Variants in EXOC5 observed in about 807,000 individuals in gnomAD.
The protein encoded by EXOC5 is SEC10-like 1.
EXOC5 carries 17 observed loss-of-function variants against 90.8 expected under a neutral mutation model. That is an observed-to-expected ratio of 0.19 (90% CI 0.13 to 0.28). The LOEUF is 0.28. Ranked by LOEUF, EXOC5 falls within the 10% of genes least tolerant of loss-of-function variation. The pLI is 1.00. For missense variants in EXOC5, 569 were observed against 830.6 expected, an observed-to-expected ratio of 0.69 and a Z score of 3.87; for synonymous variants, 260 against 270.0, an observed-to-expected ratio of 0.96 and a Z score of 0.36.
At chr14:57,228,011 TACACACAC>T (rs60151728) in intron 12 of EXOC5, among the ~76,000 whole-genome samples, 14 of 144,146 alleles carry the variant, frequency 9.7e-5, no homozygotes, top group African/African-American at 3.3e-4. Context: ...TATATATACA[TACACACAC>T]ACACACACAC....
At chr14:57,215,103 G>A (rs1050449423) in intron 15 of EXOC5, among the ~76,000 whole-genome samples, 14 of 152,010 alleles carry the variant, frequency 9.2e-5, no homozygotes, top group Admixed American at 6.6e-4. Context: ...GTGGTGGTGT[G>A]TGCCTGTAAT....
chr14:57,235,628 G>T, intron 7 of EXOC5, 83 bp downstream of exon 7: 1 of 689,786 alleles, frequency 1.4e-6, no homozygotes, highest in Non-Finnish European at 2.5e-6. Context: ...TAATGAATGG[G>T]GGAAATCAGA....
At chr14:57,238,264 A>G (rs934949884) in intron 5 of EXOC5, among the ~76,000 whole-genome samples, 1 of 143,470 alleles carries the variant, frequency 7.0e-6, no homozygotes, top group Admixed American at 7.1e-5. Flanking sequence ...ACTCATATTC[A>G]CCACCACTCA....
At chr14:57,225,909 A>G (rs1883293191) in intron 12 of EXOC5, among the ~76,000 whole-genome samples, 1 of 152,226 alleles carries the variant, frequency 6.6e-6, no homozygotes, top group Non-Finnish European at 1.5e-5. Context: ...GATAAGAGAC[A>G]AACAGTCGTA....
chr14:57,213,353 G>A (rs750373719), intron 15 of EXOC5, among the ~76,000 whole-genome samples: 25 of 151,444 alleles, frequency 1.7e-4, no homozygotes, highest in Non-Finnish European at 2.8e-4. Context: ...CTGCACACCA[G>A]CCTGGGTGAC....
rs7155880 is a variant in EXOC5, at chr14:57,215,138, A to G, written c.1613+2844T>C. 7.9e-3 allele frequency among the ~76,000 whole-genome samples: 1,203 copies of G among 152,136 alleles called. 20 individuals are homozygous for G. The highest frequency in any genetic ancestry group is 0.027 in the African/African-American group (1,116 of 41,506). On this transcript the variant is annotated intron_variant, in intron 15 of 17. Transcript: ENST00000621441. ...TTCCAGCTATTTGGGAGGGTGAGGC[A>G]GGGGAGCTGCTTGAACCAGGGAGGT...
rs1164282089 is a variant in EXOC5 at position 57,235,797 on chromosome 14, G to T, written c.583C>A (p.Gln195Lys). 1.3e-6 allele frequency: 2 copies of T among 1,554,936 alleles called. No homozygotes were observed. The highest frequency in any genetic ancestry group is 3.8e-5 in the Admixed American group (2 of 52,078). Residue 195 changes from glutamine to lysine, a missense_variant, in exon 7 of 18, where the codon CAG becomes AAG. This residue lies in a region of EXOC5 where 97 missense variants were observed against 177.9 expected (regional missense o/e 0.55). Transcript: ENST00000621441. ...GCACTGGTAAACTCCTGAATCAGCTGGCATTCTAAATCATGGTATTTACCT... is the reference window on the plus strand; with the variant it reads ...GCACTGGTAAACTCCTGAATCAGCTTGCATTCTAAATCATGGTATTTACCT... ...IASKYHDLEC[Q>K]LIQEFTSAQR...
intron 9 of EXOC5, 48 bp from the exon 10 acceptor site, chr14:57,232,797 C>G: frequency 1.2e-6 from 1 of 857,146 alleles, no homozygotes; most frequent in South Asian, 1.6e-5. Context: ...ATATTAAATT[C>G]TACAACTTCT....
In EXOC5 at chr14:57,202,076, C is replaced by A. The variant is rs1258694877; in HGVS notation, c.*6533G>T. 3.9e-5 allele frequency: 6 copies of A among 151,982 alleles called. No homozygotes were observed. The highest frequency in any genetic ancestry group is 2.9e-5 in the Non-Finnish European group (2 of 68,010). 9.4% of individuals were successfully genotyped at this position (151,982 alleles called of 1,614,324 possible). Reference sequence around the variant, plus strand: ...AAATTGTGTACTATGTGATAGGATGCAACAATAACACAGAGTTGCATCCGT... The same window carrying A: ...AAATTGTGTACTATGTGATAGGATGAAACAATAACACAGAGTTGCATCCGT... On this transcript the variant is annotated 3_prime_UTR_variant, in exon 18 of 18. Transcript: ENST00000621441.
At chr14:57,246,049 T>TAA (rs527431736) in intron 3 of EXOC5, among the ~76,000 whole-genome samples, 1 of 146,276 alleles carries the variant, frequency 6.8e-6, no homozygotes, top group Non-Finnish European at 1.5e-5. Context: ...AACTCTGTCT[T>TAA]AAAAAAAAAA....
rs1367835107 is a variant in EXOC5, at chr14:57,204,222, CA to C, written c.*4386del. 6.6e-6 allele frequency: 1 copy of C among 152,070 alleles called. No homozygotes were observed. The highest frequency in any genetic ancestry group is 1.5e-5 in the Non-Finnish European group (1 of 67,974). The allele number at this position is 152,070 out of a possible 1,614,324, so 9.4% of individuals were successfully genotyped here. On this transcript the variant is annotated 3_prime_UTR_variant, in exon 18 of 18. Coordinates refer to ENST00000621441, the MANE Select transcript of EXOC5 (RefSeq NM_006544.4). ...TCAAAAATAGGAATTTTGTTAAGCCCAGGGGCAGCCTAGCTGCTTTAATTTG... is the reference window on the plus strand; with the variant it reads ...TCAAAAATAGGAATTTTGTTAAGCCCGGGGCAGCCTAGCTGCTTTAATTTG...
chr14:57,247,764 T>C (rs950759379), intron 1 of EXOC5, 52 bp from the exon 2 acceptor site: 2 of 871,320 alleles, frequency 2.3e-6, no homozygotes, highest in Non-Finnish European at 3.4e-6. Context: ...AAGTACTTAA[T>C]ATTACTTATA....
chr14:57,260,210 G>T (rs900348322), intron 1 of EXOC5, among the ~76,000 whole-genome samples: 2 of 152,036 alleles, frequency 1.3e-5, no homozygotes, highest in African/African-American at 4.8e-5. Context: ...ATTGAATACT[G>T]AGTTTTTAAA....
chr14:57,246,770 A>G lies in EXOC5; in HGVS notation c.211T>C (p.Cys71Arg). 6 of 1,610,532 alleles carry G rather than the reference A, an allele frequency of 3.7e-6. No individual in the cohort carries two copies. The highest frequency in any genetic ancestry group is 5.1e-6 in the Non-Finnish European group (6 of 1,178,816). The change falls in exon 3 of 18, where the codon TGT (cysteine) becomes CGT (arginine). Residue 71 changes from cysteine to arginine, a missense_variant. By Grantham distance (180) the Cys-to-Arg change is radical. This residue lies in a region of EXOC5 where 45 missense variants were observed against 44.6 expected (regional missense o/e 1.01). Transcript: ENST00000621441. The part of the protein sequence containing the change: ...QRKVEKLEQQ[C>R]QKEAKEFAKK... Reference sequence around the variant, plus strand: ...GCAAATTCCTTGGCTTCTTTCTGACATTGTTGCTCTAGTTTCTCTACTTTC... The same window carrying G: ...GCAAATTCCTTGGCTTCTTTCTGACGTTGTTGCTCTAGTTTCTCTACTTTC...
intron 1 of EXOC5, among the ~76,000 whole-genome samples, chr14:57,266,524 T>C (rs1209229279): frequency 6.6e-6 from 1 of 152,090 alleles, no homozygotes; most frequent in East Asian, 1.9e-4. Context: ...ACAAGCTACA[T>C]ATAGTCAAGA....
intron 1 of EXOC5, among the ~76,000 whole-genome samples, chr14:57,256,409 T>C (rs1284803665): frequency 6.6e-6 from 1 of 151,954 alleles, no homozygotes; most frequent in Admixed American, 6.6e-5. Flanking sequence ...TTACAATCGA[T>C]AGTAGAGGTG....
At chr14:57,244,959 G>A (rs1883992258) in intron 3 of EXOC5, among the ~76,000 whole-genome samples, 1 of 147,332 alleles carries the variant, frequency 6.8e-6, no homozygotes, top group Non-Finnish European at 1.5e-5. Flanking sequence ...TTGCACCACT[G>A]CAGTCCAGCC....
rs371677257 is a variant in EXOC5 at position 57,230,580 on chromosome 14, GA to G, written c.1149-700del. On this transcript the variant is annotated intron_variant, in intron 11 of 17. Transcript: ENST00000621441. ...TAATACACAACAAAATGGGAAATAA[GA>G]AAACTGGTTTCGATATATACATGTG... Among the ~76,000 whole-genome samples the G allele has an allele frequency of 4.0e-3, 615 of 152,198 alleles. 8 individuals are homozygous for G. The highest frequency in any genetic ancestry group is 0.014 in the African/African-American group (577 of 41,542).
At chr14:57,258,647 G>C (rs746559788) in intron 1 of EXOC5, among the ~76,000 whole-genome samples, 1 of 152,162 alleles carries the variant, frequency 6.6e-6, no homozygotes, top group African/African-American at 2.4e-5. Context: ...GTATACCTAC[G>C]TAACAAACCT....
Sources: allele counts gnomAD v4.1 joint callset (sites outside exome capture counted in the v4.1 genomes callset), GRCh38; gene constraint gnomAD v4.1.1; regional missense constraint gnomAD v4.1.1; transcripts MANE v1.5; gene names NCBI Gene and HGNC (gene_info 2026-07-23, HGNC 2026-07-21).